Variants in STK10 observed in about 807,000 individuals in gnomAD.
The protein encoded by STK10 is serine/threonine-protein kinase 10.
In STK10, 78 loss-of-function variants were observed where a neutral mutation model predicts 113.8. The ratio of observed to expected loss-of-function variants is 0.69; its 90% CI spans 0.57 to 0.83. STK10 has a LOEUF of 0.83. Ranked by LOEUF, STK10 falls within the 40% of genes least tolerant of loss-of-function variation. The pLI, the probability that STK10 is intolerant of heterozygous loss-of-function variation, is 0.00. For synonymous variants in STK10, 465 were observed against 494.7 expected, an observed-to-expected ratio of 0.94 and a Z score of 0.80; for missense variants, 1,109 against 1,280.1, an observed-to-expected ratio of 0.87 and a Z score of 2.04.
intron 1 of STK10, among the ~76,000 whole-genome samples, chr5:172,181,082 A>G (rs1425451585): frequency 6.6e-6 from 1 of 152,152 alleles, no homozygotes; most frequent in East Asian, 1.9e-4. Context: ...ACATCCATCA[A>G]CCACCTCTGA....
intron 14 of STK10, among the ~76,000 whole-genome samples, chr5:172,060,194 G>T (rs1767903351): frequency 6.6e-6 from 1 of 152,122 alleles, no homozygotes; most frequent in African/African-American, 2.4e-5. Context: ...GACCACTTGA[G>T]CCCAAGACTT....
chr5:172,170,835 A>G (rs896048636), intron 1 of STK10, among the ~76,000 whole-genome samples: 3 of 152,308 alleles, frequency 2.0e-5, no homozygotes, highest in African/African-American at 7.2e-5. Flanking sequence ...GCCTCCTTGC[A>G]GGGGACCGCT....
intron 8 of STK10, among the ~76,000 whole-genome samples, chr5:172,094,682 C>A (rs947398999): frequency 6.6e-6 from 1 of 152,182 alleles, no homozygotes; most frequent in Non-Finnish European, 1.5e-5. Flanking sequence ...CCGCACCCAG[C>A]CAAACCTTCC....
intron 18 of STK10, among the ~76,000 whole-genome samples, chr5:172,050,117 T>C (rs1767595570): frequency 6.6e-6 from 1 of 152,198 alleles, no homozygotes; most frequent in African/African-American, 2.4e-5. Context: ...CATAGTATTT[T>C]AGAAAGTTTT....
At chr5:172,090,104 C>T in intron 10 of STK10, 128 bp downstream of exon 10, 1 of 1,383,358 alleles carries the variant, frequency 7.2e-7, no homozygotes, top group Non-Finnish European at 9.8e-7. Flanking sequence ...AAATGAGTTT[C>T]CTTTTGCCTC....
chr5:172,092,949 T>C (rs1196253788), intron 9 of STK10: 3 of 155,056 alleles, frequency 1.9e-5, no homozygotes, highest in Non-Finnish European at 2.9e-5. Context: ...TGTCTGTTCT[T>C]TTTAAAGCAC....
At chr5:172,066,630 A>C (rs963883360) in intron 12 of STK10, among the ~76,000 whole-genome samples, 2 of 152,218 alleles carry the variant, frequency 1.3e-5, no homozygotes, top group African/African-American at 4.8e-5. Context: ...TCTACTAAAA[A>C]TACAAAAATC....
At chr5:172,067,468 T>C (rs1485994011) in intron 12 of STK10, among the ~76,000 whole-genome samples, 2 of 151,582 alleles carry the variant, frequency 1.3e-5, no homozygotes, top group Non-Finnish European at 2.9e-5. Flanking sequence ...AATCAGGAAA[T>C]AGAACCAATT....
Position 172,055,750 on chromosome 5 carries a change from G to A in STK10, c.2364C>T (p.Asn788=). The A allele has an allele frequency of 1.3e-6, 2 of 1,528,346 alleles. No homozygotes were observed. The highest frequency in any genetic ancestry group is 1.8e-6 in the Non-Finnish European group (2 of 1,130,488). 94.7% of individuals were successfully genotyped at this position (1,528,346 alleles called of 1,614,324 possible). The change falls in exon 16 of 19, where the codon AAC becomes AAT. Residue 788 remains asparagine (N), a synonymous_variant. Coordinates refer to ENST00000176763, the MANE Select transcript of STK10 (RefSeq NM_005990.4). ...CCTTCAGCTGCTCTATCATGCGCTG[G>A]TTGTAGCGCTGCATCTGCTCCCGCT... ...EKEREQMQRY[N]QRMIEQLKVR...
rs758674393 is a variant in STK10 at position 172,095,096 on chromosome 5, T to C, written c.1006-1136A>G. The stretch of plus-strand genomic sequence containing the variant: ...TCTTGACATAGTCACTGTCCTATGG[T>C]CTCTAAGTGCTACAGATGAGCTGTG... On this transcript the variant is annotated intron_variant, in intron 8 of 18. Coordinates refer to ENST00000176763, the MANE Select transcript of STK10 (RefSeq NM_005990.4). 1.4e-4 allele frequency among the ~76,000 whole-genome samples: 21 copies of C among 152,336 alleles called. No homozygotes were observed. The Middle Eastern group carries it at 0.014, about 99-fold the overall frequency.
At chr5:172,151,524 T>C (rs1770233469) in intron 2 of STK10, among the ~76,000 whole-genome samples, 1 of 152,098 alleles carries the variant, frequency 6.6e-6, no homozygotes, top group Non-Finnish European at 1.5e-5. Context: ...CTTTTGTATT[T>C]TTAGTAGAGA....
At chr5:172,054,884 C>G (rs1483515028) in intron 16 of STK10, among the ~76,000 whole-genome samples, 190 bp from the exon 17 acceptor site, 2 of 152,286 alleles carry the variant, frequency 1.3e-5, no homozygotes, top group South Asian at 4.2e-4. Flanking sequence ...CCCCAGCCCT[C>G]GAGGAGCCCC....
intron 16 of STK10, 60 bp from the exon 17 acceptor site, chr5:172,054,754 G>A (rs1372848718): frequency 1.3e-6 from 2 of 1,596,992 alleles, no homozygotes; most frequent in Non-Finnish European, 8.5e-7. Flanking sequence ...TGGGTAGGGA[G>A]CCCCACTCAG....
chr5:172,177,522 G>A (rs540358945), intron 1 of STK10, among the ~76,000 whole-genome samples: 42 of 152,294 alleles, frequency 2.8e-4, no homozygotes, highest in African/African-American at 9.9e-4. Flanking sequence ...TGCCCAACAT[G>A]GCAGTCACTA....
chr5:172,090,259 T>G lies in STK10; in HGVS notation c.1658A>C (p.Lys553Thr). ...GAGAAATCTCATCTCCTCATCCTTC[T>G]TCTCATCTTCGCTGATGATCTTGGA... is the stretch of plus-strand genomic sequence containing the variant. Reference protein sequence around the residue: ...TTSKIISEDEKKDEEMRFLRR... With the variant: ...TTSKIISEDETKDEEMRFLRR... Residue 553 changes from lysine to threonine, a missense_variant, in exon 10 of 19, where the codon AAG (lysine) becomes ACG (threonine). Physicochemically the swap from Lys to Thr is moderately conservative, Grantham distance 78 (BLOSUM62 -1). Around this residue, in one of 5 missense-constraint regions of STK10, gnomAD observed 885 missense variants for 991.1 expected, o/e 0.89. Coordinates refer to ENST00000176763, the MANE Select transcript of STK10 (RefSeq NM_005990.4). 1.2e-6 allele frequency: 2 copies of G among 1,614,116 alleles called. No individual in the cohort carries two copies. The highest frequency in any genetic ancestry group is 1.7e-6 in the Non-Finnish European group (2 of 1,180,004).
intron 1 of STK10, among the ~76,000 whole-genome samples, chr5:172,181,612 T>G (rs1480966835): frequency 6.7e-6 from 1 of 150,180 alleles, no homozygotes; most frequent in East Asian, 2.0e-4. Flanking sequence ...CCTCCCTGAG[T>G]AGCTGGGATT....
chr5:172,101,271 G>C (rs890334385), intron 7 of STK10, among the ~76,000 whole-genome samples: 4 of 152,084 alleles, frequency 2.6e-5, no homozygotes, highest in Non-Finnish European at 5.9e-5. Context: ...AGGAGTTCAA[G>C]ACCAGCCTGG....
chr5:172,065,289 G>A (rs1451541496), intron 12 of STK10, among the ~76,000 whole-genome samples: 2 of 140,716 alleles, frequency 1.4e-5, no homozygotes, highest in Admixed American at 7.4e-5. Context: ...GGCTGAAAAT[G>A]CACTTTTTTT....
intron 10 of STK10, among the ~76,000 whole-genome samples, chr5:172,087,843 T>A (rs1196707016): frequency 9.2e-6 from 1 of 108,334 alleles, no homozygotes; most frequent in Admixed American, 8.3e-5. Flanking sequence ...TTAGCCAGGA[T>A]GGTCTCGATC....
Sources: allele counts gnomAD v4.1 joint callset (sites outside exome capture counted in the v4.1 genomes callset), GRCh38; gene constraint gnomAD v4.1.1; regional missense constraint gnomAD v4.1.1; transcripts MANE v1.5; gene names NCBI Gene and HGNC (gene_info 2026-07-23, HGNC 2026-07-21).